FBXO21: variants seen among roughly 807,000 people sequenced by gnomAD.
FBXO21 encodes F-box protein 21, also known as F-box only protein 21.
FBXO21 carries 32 observed loss-of-function variants against 76.6 expected under a neutral mutation model. The observed-to-expected ratio is 0.42, with a 90% CI of 0.32 to 0.56. FBXO21 has a LOEUF of 0.56. Among genes scored for constraint, FBXO21 ranks in the 20% least tolerant of loss-of-function variants. The probability of loss-of-function intolerance (pLI) is 0.16; values close to 1 mark genes in which losing one functional copy is unlikely to be tolerated. For missense variants in FBXO21, 586 were observed against 797.3 expected (o/e 0.73, Z 3.19); for synonymous variants, 328 against 311.5 (o/e 1.05, Z -0.56).
In FBXO21 at chr12:117,174,358, T is replaced by C; in HGVS notation, c.740-17A>G. The stretch of plus-strand genomic sequence containing the variant: ...ATGATTCACCTGAAACACAGAGATC[T>C]ACTCTGGGACCCAAGCACAAAAAAG... On this transcript the variant is annotated splice_polypyrimidine_tract_variant and intron_variant, in intron 5 of 11. Transcript: ENST00000622495. The C allele has an allele frequency of 6.8e-6, 11 of 1,613,754 alleles. No homozygotes were observed. The highest frequency in any genetic ancestry group is 6.8e-6 in the Non-Finnish European group (8 of 1,179,768).
At chr12:117,147,742 G>A (rs1484071417) in intron 11 of FBXO21, among the ~76,000 whole-genome samples, 4 of 152,154 alleles carry the variant, frequency 2.6e-5, no homozygotes, top group East Asian at 1.9e-4. Context: ...TGCCGCCCAC[G>A]GAGGCCTGGC....
intron 1 of FBXO21, among the ~76,000 whole-genome samples, chr12:117,189,678 C>T (rs1219417240): frequency 6.6e-6 from 1 of 152,118 alleles, no homozygotes; most frequent in Non-Finnish European, 1.5e-5. Flanking sequence ...GCGTGCGTGC[C>T]TCCCGGACAT....
intron 3 of FBXO21, among the ~76,000 whole-genome samples, chr12:117,184,433 G>GA (rs1391067252): frequency 6.6e-6 from 1 of 151,704 alleles, no homozygotes; most frequent in Non-Finnish European, 1.5e-5. Flanking sequence ...ACACAAAATG[G>GA]AAAAAAAAGT....
At chr12:117,164,274 CTTT>C (rs538169408) in intron 9 of FBXO21, among the ~76,000 whole-genome samples, 141 of 126,860 alleles carry the variant, frequency 1.1e-3, no homozygotes, top group Middle Eastern at 4.2e-3. Context: ...CTTTTCTTTT[CTTT>C]TTTTTTTTTT....
chr12:117,190,306 C>T lies in FBXO21; in HGVS notation c.151G>A (p.Asp51Asn). The T allele has an allele frequency of 6.5e-7, 1 of 1,529,670 alleles. No individual in the cohort carries two copies. The allele number at this position is 1,529,670 out of a possible 1,614,324, so 94.8% of individuals were successfully genotyped here. The change falls in exon 1 of 12, where the codon GAC becomes AAC. Residue 51 changes from aspartate (D) to asparagine (N), a missense_variant. Transcript: ENST00000622495. ...ILCCGSLTAA[D>N]IGRVSSTCRR... Reference sequence around the variant, plus strand: ...CAGGTGCTGGAGACACGGCCGATGTCGGCGGCCGTCAGCGAGCCGCAGCAC... The same window carrying T: ...CAGGTGCTGGAGACACGGCCGATGTTGGCGGCCGTCAGCGAGCCGCAGCAC...
chr12:117,173,263 T>A (rs949986295), intron 6 of FBXO21, among the ~76,000 whole-genome samples: 2 of 152,128 alleles, frequency 1.3e-5, no homozygotes. Context: ...ACTCCTGACC[T>A]CAGGTGATCC....
chr12:117,164,413 A>AT (rs1428689284), intron 9 of FBXO21, among the ~76,000 whole-genome samples: 1 of 151,414 alleles, frequency 6.6e-6, no homozygotes, highest in Non-Finnish European at 1.5e-5. Context: ...AGTAGCTGGG[A>AT]TTACAGGTTC....
chr12:117,148,611 C>G (rs935276100), intron 11 of FBXO21, among the ~76,000 whole-genome samples: 3 of 152,252 alleles, frequency 2.0e-5, no homozygotes, highest in Non-Finnish European at 4.4e-5. Context: ...AGCGGTGTCA[C>G]AGGCACCCCT....
At chr12:117,146,340 C>T (rs1955770602) in intron 11 of FBXO21, 63 bp from the exon 12 acceptor site, 1 of 1,402,750 alleles carries the variant, frequency 7.1e-7, no homozygotes, top group African/African-American at 1.4e-5. Flanking sequence ...CACCTTTCAT[C>T]CAGAGAACCT....
At chr12:117,158,902 C>A (rs894489858) in intron 9 of FBXO21, among the ~76,000 whole-genome samples, 1 of 152,218 alleles carries the variant, frequency 6.6e-6, no homozygotes, top group Non-Finnish European at 1.5e-5. Context: ...GCACCCATTA[C>A]GTTTACAGCC....
Position 117,144,093 on chromosome 12 carries a change from G to T in FBXO21, c.*1994C>A, listed in dbSNP as rs1955742391. On this transcript the variant is annotated 3_prime_UTR_variant, in exon 12 of 12. Coordinates refer to ENST00000622495, the MANE Select transcript of FBXO21 (RefSeq NM_015002.3). ...TCATGAAGAAAGACATTTAAAAACAGTCTAGATACATATGTACAGCTGGGT... is the reference window on the plus strand; with the variant it reads ...TCATGAAGAAAGACATTTAAAAACATTCTAGATACATATGTACAGCTGGGT... 6.6e-6 allele frequency: 1 copy of T among 152,546 alleles called. No individual in the cohort carries two copies. The highest frequency in any genetic ancestry group is 1.5e-5 in the Non-Finnish European group (1 of 68,030). The allele number at this position is 152,546 out of a possible 1,614,324, so 9.4% of individuals were successfully genotyped here.
chr12:117,152,936 T>C (rs2135849107), intron 11 of FBXO21, among the ~76,000 whole-genome samples: 1 of 152,224 alleles, frequency 6.6e-6, no homozygotes, highest in East Asian at 1.9e-4. Flanking sequence ...GCAAGAATGA[T>C]GACTTCAAAG....
At position 117,143,326 on chromosome 12, in the gene FBXO21, C is replaced by G. The variant is rs1955734904; in HGVS notation, c.*2761G>C. 2 of 152,156 alleles carry G rather than the reference C, an allele frequency of 1.3e-5. No homozygotes were observed. The allele number at this position is 152,156 out of a possible 1,614,324, so 9.4% of individuals were successfully genotyped here. A position where few individuals can be genotyped will look rare whatever the true frequency, so the allele number is the denominator to read the frequency against. ...TGTGCGTCACAGGTATTGAGAAACACCACCATAGAGTCAATTGACTTTGTT... is the reference window on the plus strand; with the variant it reads ...TGTGCGTCACAGGTATTGAGAAACAGCACCATAGAGTCAATTGACTTTGTT... On this transcript the variant is annotated 3_prime_UTR_variant, in exon 12 of 12. Transcript: ENST00000622495.
intron 7 of FBXO21, among the ~76,000 whole-genome samples, chr12:117,169,011 G>A (rs1375281669): frequency 6.6e-6 from 1 of 152,126 alleles, no homozygotes; most frequent in Non-Finnish European, 1.5e-5. Flanking sequence ...CTATTATAAA[G>A]TCACATGCAC....
intron 7 of FBXO21, among the ~76,000 whole-genome samples, chr12:117,171,872 CT>C (rs760241574): frequency 5.3e-5 from 8 of 152,124 alleles, no homozygotes; most frequent in Non-Finnish European, 1.0e-4. Flanking sequence ...TGAAAATGAG[CT>C]TTTTGCCCTA....
rs79334149 is a variant in FBXO21, at chr12:117,154,546, T to C, written c.1675+1245A>G. Among the ~76,000 whole-genome samples the C allele has an allele frequency of 7.4e-3, 1,130 of 152,308 alleles. 12 individuals are homozygous for C. The highest frequency in any genetic ancestry group is 0.026 in the African/African-American group (1,061 of 41,552). ...GACCACAGGTGTACACTACTCTGCC[T>C]GGCTAATTTTTAAATTTTTTTGTAG... On this transcript the variant is annotated intron_variant, in intron 11 of 11. Transcript: ENST00000622495.
In FBXO21 at chr12:117,177,504, A is replaced by G; in HGVS notation, c.592+16T>C. 1 of 1,609,262 alleles carries G rather than the reference A, an allele frequency of 6.2e-7. No homozygotes were observed. Among genetic ancestry groups the G allele is most frequent in the Non-Finnish European group, 8.5e-7 (1 of 1,177,852 alleles). ...TACAGAAATACTACTGTCCACATAT[A>G]TGGGAAAAGACCCACCTTCAAGATA... is the stretch of plus-strand genomic sequence containing the variant. On this transcript the variant is annotated intron_variant, in intron 4 of 11. Coordinates refer to ENST00000622495, the MANE Select transcript of FBXO21 (RefSeq NM_015002.3).
chr12:117,148,867 C>T (rs546870266), intron 11 of FBXO21, among the ~76,000 whole-genome samples: 21 of 152,344 alleles, frequency 1.4e-4, no homozygotes, highest in African/African-American at 4.6e-4. Context: ...TCCCACTTTT[C>T]CCCGAAGGAA....
At chr12:117,165,864 A>G (rs1956047955) in intron 8 of FBXO21, among the ~76,000 whole-genome samples, 1 of 152,232 alleles carries the variant, frequency 6.6e-6, no homozygotes, top group Admixed American at 6.5e-5. Flanking sequence ...TTTACTAAGC[A>G]GTCACTGCAA....
Sources: allele counts gnomAD v4.1 joint callset (sites outside exome capture counted in the v4.1 genomes callset), GRCh38; gene constraint gnomAD v4.1.1; transcripts MANE v1.5; gene names NCBI Gene and HGNC (gene_info 2026-07-23, HGNC 2026-07-21).